Variants in ANKIB1 observed in about 807,000 individuals in gnomAD.
ANKIB1 encodes ankyrin repeat and IBR domain-containing protein 1.
A neutral mutation model predicts 122.1 loss-of-function variants in ANKIB1; 43 were observed. The ratio of observed to expected loss-of-function variants is 0.35; its 90% CI spans 0.28 to 0.45. The LOEUF (loss-of-function observed/expected upper bound fraction) is 0.45. ANKIB1 is among the 20% of genes least tolerant of loss of function. The pLI, the probability that ANKIB1 is intolerant of heterozygous loss-of-function variation, is 1.00. For synonymous variants in ANKIB1, 390 were observed against 442.0 expected, an observed-to-expected ratio of 0.88 and a Z score of 1.48; for missense variants, 992 against 1,329.5, an observed-to-expected ratio of 0.75 and a Z score of 3.95.
intron 16 of ANKIB1, 82 bp from the exon 17 acceptor site, chr7:92,392,158 TA>T: frequency 8.9e-7 from 1 of 1,123,326 alleles, no homozygotes; most frequent in Non-Finnish European, 1.3e-6. Context: ...GAATTCAAAG[TA>T]ATGTTCAAAG....
At chr7:92,339,211 T>A (rs1037168542) in intron 5 of ANKIB1, among the ~76,000 whole-genome samples, 5 of 150,540 alleles carry the variant, frequency 3.3e-5, no homozygotes, top group Non-Finnish European at 5.9e-5. Flanking sequence ...CTGGCTAATT[T>A]TTTTGTATTT....
intron 2 of ANKIB1, among the ~76,000 whole-genome samples, chr7:92,305,115 C>T (rs1457552291): frequency 6.6e-6 from 1 of 152,170 alleles, no homozygotes; most frequent in African/African-American, 2.4e-5. Context: ...CAAAGTAACA[C>T]TGTATTGATT....
intron 2 of ANKIB1, among the ~76,000 whole-genome samples, chr7:92,297,620 A>T (rs1562774564): frequency 6.6e-6 from 1 of 151,448 alleles, no homozygotes; most frequent in African/African-American, 2.4e-5. Context: ...TTTCACTCTT[A>T]ATCATCCCCT....
chr7:92,381,743 A>C lies in ANKIB1; in HGVS notation c.1618-4766A>C, dbSNP rs188217016. On this transcript the variant is annotated intron_variant, in intron 11 of 19. Coordinates refer to ENST00000265742, the MANE Select transcript of ANKIB1 (RefSeq NM_019004.2). ...CCTTATAAGAGCTCCTAAAGGAAGT[A>C]CTAAACATGGAAAGGAACAACTGGT... 5.1e-3 allele frequency among the ~76,000 whole-genome samples: 772 copies of C among 152,326 alleles called. 5 individuals are homozygous for C. Among genetic ancestry groups the C allele is most frequent in the Non-Finnish European group, 8.5e-3 (578 of 68,022 alleles).
intron 3 of ANKIB1, among the ~76,000 whole-genome samples, chr7:92,318,107 A>G (rs1802830604): frequency 6.6e-6 from 1 of 152,188 alleles, no homozygotes; most frequent in Non-Finnish European, 1.5e-5. Context: ...AGATACAATA[A>G]TACCCCTGTT....
intron 7 of ANKIB1, among the ~76,000 whole-genome samples, chr7:92,348,653 G>A (rs1260835019): frequency 1.3e-5 from 2 of 152,126 alleles, no homozygotes; most frequent in Admixed American, 1.3e-4. Context: ...CAAAGCGCTA[G>A]GATTATAGGC....
chr7:92,268,753 G>C (rs1801723724), intron 1 of ANKIB1, among the ~76,000 whole-genome samples: 1 of 152,226 alleles, frequency 6.6e-6, no homozygotes. Context: ...TGGGATTACA[G>C]CTGTGAGCCA....
intron 3 of ANKIB1, among the ~76,000 whole-genome samples, chr7:92,314,089 A>G (rs1016317294): frequency 6.6e-6 from 1 of 152,004 alleles, no homozygotes; most frequent in African/African-American, 2.4e-5. Flanking sequence ...CTTGAGCCCA[A>G]AAGTTCAAGA....
chr7:92,370,508 CAAAAAAA>C (rs34318038), intron 10 of ANKIB1, among the ~76,000 whole-genome samples: 7 of 32,988 alleles, frequency 2.1e-4, no homozygotes, highest in Admixed American at 5.0e-4. Context: ...ACTCTTGTCT[CAAAAAAA>C]AAAAAAAAAA....
At chr7:92,342,479 A>G (rs35237464) in intron 5 of ANKIB1, among the ~76,000 whole-genome samples, 8,690 of 152,222 alleles carry the variant, frequency 0.057, 325 homozygotes, top group Non-Finnish European at 0.087. Flanking sequence ...AGATCACTTA[A>G]TATAGAATTT....
chr7:92,388,130 A>G lies in ANKIB1; in HGVS notation c.1906+89A>G, dbSNP rs190804720. On this transcript the variant is annotated intron_variant, in intron 14 of 19. Transcript: ENST00000265742. ...TAGTAGGTTAGGCCCTGAAAGGAAT[A>G]CATTATGTTCATTAGCTTGTTCTGG... The G allele has an allele frequency of 6.8e-3, 8,306 of 1,220,580 alleles. 71 individuals are homozygous for G. Among genetic ancestry groups the G allele is most frequent in the Middle Eastern group, 0.034 (143 of 4,236 alleles). The allele number at this position is 1,220,580 out of a possible 1,614,324, so 75.6% of individuals were successfully genotyped here. A position where few individuals can be genotyped will look rare whatever the true frequency, so the allele number is the denominator to read the frequency against.
At chr7:92,361,763 G>A (rs931795191) in intron 9 of ANKIB1, among the ~76,000 whole-genome samples, 2 of 151,006 alleles carry the variant, frequency 1.3e-5, no homozygotes, top group African/African-American at 2.4e-5. Context: ...ATTAGTCACC[G>A]TGCCTTACTT....
At chr7:92,330,367 G>A (rs1157600551) in intron 5 of ANKIB1, among the ~76,000 whole-genome samples, 1 of 151,914 alleles carries the variant, frequency 6.6e-6, no homozygotes, top group Non-Finnish European at 1.5e-5. Flanking sequence ...TCAGAAAACA[G>A]TTTTGTAATG....
chr7:92,281,903 A>G (rs566116664), intron 1 of ANKIB1, among the ~76,000 whole-genome samples: 1 of 152,322 alleles, frequency 6.6e-6, no homozygotes, highest in Admixed American at 6.5e-5. Flanking sequence ...GTACATAATT[A>G]TTAAAGATAT....
intron 4 of ANKIB1, among the ~76,000 whole-genome samples, chr7:92,324,192 C>T (rs1802974196): frequency 6.6e-6 from 1 of 152,150 alleles, no homozygotes; most frequent in Non-Finnish European, 1.5e-5. Context: ...GAATTGTACA[C>T]CTTAAAGTGG....
At chr7:92,256,721 T>C (rs941067427) in intron 1 of ANKIB1, among the ~76,000 whole-genome samples, 6 of 152,242 alleles carry the variant, frequency 3.9e-5, no homozygotes, top group African/African-American at 1.2e-4. Flanking sequence ...TATTACCACT[T>C]GATTTATTAT....
At chr7:92,395,246 G>A (rs1208249287) in intron 17 of ANKIB1, among the ~76,000 whole-genome samples, 1 of 152,194 alleles carries the variant, frequency 6.6e-6, no homozygotes, top group Non-Finnish European at 1.5e-5. Context: ...GGAATAGGCT[G>A]AGGACATCTG....
At chr7:92,265,942 A>G (rs1278314917) in intron 1 of ANKIB1, among the ~76,000 whole-genome samples, 1 of 152,246 alleles carries the variant, frequency 6.6e-6, no homozygotes, top group Non-Finnish European at 1.5e-5. Flanking sequence ...AGGAATCATC[A>G]GTATATGTAA....
At chr7:92,288,716 C>A (rs1481043441) in intron 1 of ANKIB1, among the ~76,000 whole-genome samples, 2 of 152,092 alleles carry the variant, frequency 1.3e-5, no homozygotes, top group Admixed American at 1.3e-4. Context: ...TTTAAACAGA[C>A]ACTTCACAAA....
Sources: gnomAD v4.1 joint callset for allele counts (sites outside exome capture counted in the v4.1 genomes callset) on GRCh38, gnomAD v4.1.1 for gene constraint, MANE v1.5 for transcripts, NCBI Gene and HGNC (gene_info 2026-07-23, HGNC 2026-07-21) for gene names.